Variants in LAMP3 observed in about 807,000 individuals in gnomAD.
LAMP3 encodes the protein lysosome associated membrane protein 3, also known as lysosome-associated membrane glycoprotein 3.
LAMP3 carries 26 observed loss-of-function variants against 34.8 expected under a neutral mutation model. The ratio of observed to expected loss-of-function variants is 0.75; its 90% CI spans 0.55 to 1.04. The LOEUF is 1.04. Among genes scored for constraint, LAMP3 ranks in the 50% least tolerant of loss-of-function variants. The pLI is 0.00. For synonymous variants in LAMP3, 180 were observed against 201.9 expected (o/e 0.89, Z 0.92); for missense variants, 495 against 524.0 (o/e 0.94, Z 0.54).
rs143901771 is a variant in LAMP3 at position 183,151,535 on chromosome 3, C to A, written c.888+840G>T. Among the ~76,000 whole-genome samples the A allele has an allele frequency of 5.6e-3, 844 of 149,820 alleles. 13 individuals carry two copies. Among genetic ancestry groups the A allele is most frequent in the African/African-American group, 0.02 (802 of 40,608 alleles). ...CTCCACCTCCCCGGTTCAAGTGATT[C>A]TCCTGCCTCAGCCTCCCAAGTAGCT... On this transcript the variant is annotated intron_variant, in intron 3 of 5. Transcript: ENST00000265598.
intron 1 of LAMP3, among the ~76,000 whole-genome samples, chr3:183,159,507 A>AGCCCCACG (rs1408552533): frequency 6.6e-6 from 1 of 152,158 alleles, no homozygotes; most frequent in Non-Finnish European, 1.5e-5. Context: ...GAGTCATTGG[A>AGCCCCACG]GCCCCACGGC....
chr3:183,135,242 T>A (rs1720046426), intron 5 of LAMP3, among the ~76,000 whole-genome samples: 1 of 152,124 alleles, frequency 6.6e-6, no homozygotes, highest in African/African-American at 2.4e-5. Flanking sequence ...AGCTTGTAAT[T>A]GAGATGAGGG....
At chr3:183,131,393 G>A (rs572458321) in intron 5 of LAMP3, among the ~76,000 whole-genome samples, 66 of 152,312 alleles carry the variant, frequency 4.3e-4, no homozygotes, top group Non-Finnish European at 7.9e-4. Flanking sequence ...GGACACAGGG[G>A]AGCCTGGAGC....
intron 3 of LAMP3, among the ~76,000 whole-genome samples, chr3:183,143,044 G>A (rs750840398): frequency 1.3e-5 from 2 of 152,172 alleles, no homozygotes; most frequent in East Asian, 1.9e-4. Flanking sequence ...TCTGGAAGCT[G>A]TACTCAGAAT....
chr3:183,156,554 C>G (rs1720827986), intron 1 of LAMP3, among the ~76,000 whole-genome samples: 1 of 152,276 alleles, frequency 6.6e-6, no homozygotes, highest in Non-Finnish European at 1.5e-5. Flanking sequence ...TTTACAAAGT[C>G]CTAAAGTTCA....
intron 1 of LAMP3, among the ~76,000 whole-genome samples, chr3:183,160,621 G>A (rs578131814): frequency 7.3e-5 from 11 of 151,350 alleles, no homozygotes; most frequent in African/African-American, 1.7e-4. Flanking sequence ...CCTCAGTACC[G>A]CCATCTGTAA....
At chr3:183,159,161 G>C (rs1016325268) in intron 1 of LAMP3, among the ~76,000 whole-genome samples, 7 of 152,204 alleles carry the variant, frequency 4.6e-5, no homozygotes. Context: ...CCAAAGTGCT[G>C]GGATTACAGG....
At chr3:183,146,340 C>T (rs1405717112) in intron 3 of LAMP3, among the ~76,000 whole-genome samples, 1 of 152,100 alleles carries the variant, frequency 6.6e-6, no homozygotes, top group Non-Finnish European at 1.5e-5. Flanking sequence ...TAGAAAGCAG[C>T]AACATTTCAA....
intron 2 of LAMP3, 144 bp downstream of exon 2, chr3:183,153,538 T>A: frequency 1.8e-6 from 1 of 544,124 alleles, no homozygotes; most frequent in Non-Finnish European, 3.2e-6. Flanking sequence ...AATCACCTTT[T>A]AATGGAGCAC....
intron 4 of LAMP3, among the ~76,000 whole-genome samples, chr3:183,139,690 G>GT (rs1720214415): frequency 6.6e-6 from 1 of 152,180 alleles, no homozygotes; most frequent in South Asian, 2.1e-4. Context: ...TAATTGTACT[G>GT]TACTCACCTG....
At chr3:183,145,341 A>C (rs1418829918) in intron 3 of LAMP3, among the ~76,000 whole-genome samples, 2 of 152,252 alleles carry the variant, frequency 1.3e-5, no homozygotes, top group South Asian at 4.2e-4. Context: ...CACGCTGAAC[A>C]CTTTTACATT....
At chr3:183,137,994 T>A (rs1423954423) in intron 4 of LAMP3, among the ~76,000 whole-genome samples, 1 of 152,028 alleles carries the variant, frequency 6.6e-6, no homozygotes, top group Non-Finnish European at 1.5e-5. Flanking sequence ...TACTTTTTTT[T>A]ATATTTCTAG....
At chr3:183,139,383 GTC>G (rs1720200904) in intron 4 of LAMP3, among the ~76,000 whole-genome samples, 1 of 138,046 alleles carries the variant, frequency 7.2e-6, no homozygotes, top group South Asian at 2.3e-4. Context: ...GAGCGAGACT[GTC>G]TCAAAAAAAA....
At chr3:183,145,877 A>C in intron 3 of LAMP3, among the ~76,000 whole-genome samples, 1 of 152,092 alleles carries the variant, frequency 6.6e-6, no homozygotes, top group East Asian at 1.9e-4. Flanking sequence ...CAAACAAACA[A>C]AACCCTACAG....
At chr3:183,159,505 G>C (rs1720915644) in intron 1 of LAMP3, among the ~76,000 whole-genome samples, 1 of 152,172 alleles carries the variant, frequency 6.6e-6, no homozygotes, top group Non-Finnish European at 1.5e-5. Context: ...GGGAGTCATT[G>C]GAGCCCCACG....
At chr3:183,156,015 G>T (rs1720811927) in intron 1 of LAMP3, among the ~76,000 whole-genome samples, 1 of 152,156 alleles carries the variant, frequency 6.6e-6, no homozygotes, top group Non-Finnish European at 1.5e-5. Context: ...ACTAGAACAG[G>T]TCTATCCTTG....
intron 1 of LAMP3, among the ~76,000 whole-genome samples, chr3:183,157,176 T>C (rs1720845963): frequency 6.6e-6 from 1 of 152,234 alleles, no homozygotes; most frequent in East Asian, 1.9e-4. Context: ...GATAACCTTA[T>C]AAAAAGACCG....
At chr3:183,130,988 G>A (rs1302806132) in intron 5 of LAMP3, among the ~76,000 whole-genome samples, 1 of 152,168 alleles carries the variant, frequency 6.6e-6, no homozygotes, top group Non-Finnish European at 1.5e-5. Context: ...CTCTCCACCT[G>A]GAAAGTGGGC....
At chr3:183,141,802 G>T (rs941291066) in intron 3 of LAMP3, among the ~76,000 whole-genome samples, 3 of 152,130 alleles carry the variant, frequency 2.0e-5, no homozygotes, top group Non-Finnish European at 4.4e-5. Flanking sequence ...ACTGTCGCAG[G>T]CACTTCCAAG....
Sources: gnomAD v4.1 joint callset for allele counts (sites outside exome capture counted in the v4.1 genomes callset) on GRCh38, gnomAD v4.1.1 for gene constraint, MANE v1.5 for transcripts, NCBI Gene and HGNC (gene_info 2026-07-23, HGNC 2026-07-21) for gene names.